Variants in ASIC2 observed in about 807,000 individuals in gnomAD.
ASIC2 encodes acid-sensing ion channel 2.
A neutral mutation model predicts 57.3 loss-of-function variants in ASIC2; 25 were observed. The observed-to-expected ratio is 0.44, with a 90% CI of 0.32 to 0.61. The LOEUF (loss-of-function observed/expected upper bound fraction) is 0.61, where lower values mean the gene tolerates loss of function less well. ASIC2 is among the 20% of genes least tolerant of loss of function. The probability of loss-of-function intolerance (pLI) is 0.06; values close to 1 mark genes in which losing one functional copy is unlikely to be tolerated. For missense variants in ASIC2, 641 were observed against 738.1 expected (o/e 0.87, Z 1.52); for synonymous variants, 319 against 307.5 (o/e 1.04, Z -0.39).
At chr17:34,083,747 T>G (rs1909987221) in intron 1 of ASIC2, among the ~76,000 whole-genome samples, 1 of 152,258 alleles carries the variant, frequency 6.6e-6, no homozygotes, top group Admixed American at 6.5e-5. Context: ...CATTGTGGTT[T>G]TGATTTGCAT....
intron 1 of ASIC2, among the ~76,000 whole-genome samples, chr17:33,915,983 C>A (rs1303057424): frequency 2.0e-5 from 3 of 152,164 alleles, no homozygotes; most frequent in Admixed American, 2.0e-4. Flanking sequence ...AGGAGGGAGA[C>A]TCAAAAGAGG....
chr17:34,029,984 C>G (rs1225746839), intron 1 of ASIC2, among the ~76,000 whole-genome samples: 1 of 152,200 alleles, frequency 6.6e-6, no homozygotes, highest in Non-Finnish European at 1.5e-5. Flanking sequence ...TGCCCTGATT[C>G]CACTGAACCA....
intron 1 of ASIC2, among the ~76,000 whole-genome samples, chr17:34,154,298 C>T (rs1904633413): frequency 6.6e-6 from 1 of 152,214 alleles, no homozygotes; most frequent in African/African-American, 2.4e-5. Flanking sequence ...CTCCTCAAGC[C>T]ACCTAAGACA....
rs531115641 is a variant in ASIC2, at chr17:33,204,638, G to T, written c.708+86770C>A. ...ACTGACCAGTGCATTTCATCCTCCAGCCAAGTTGGGTCAGACATGAGCATG... is the reference window on the plus strand; with the variant it reads ...ACTGACCAGTGCATTTCATCCTCCATCCAAGTTGGGTCAGACATGAGCATG... On this transcript the variant is annotated intron_variant, in intron 1 of 9. Coordinates refer to ENST00000225823, the MANE Select transcript of ASIC2 (RefSeq NM_183377.2). 2.0e-5 allele frequency among the ~76,000 whole-genome samples: 3 copies of T among 152,320 alleles called. No homozygotes were observed. In the South Asian group the frequency reaches 6.2e-4, roughly 32 times the overall value.
At chr17:33,934,990 T>C (rs1432799800) in intron 1 of ASIC2, among the ~76,000 whole-genome samples, 2 of 152,202 alleles carry the variant, frequency 1.3e-5, no homozygotes, top group African/African-American at 2.4e-5. Flanking sequence ...TGGATCCCTA[T>C]TTCCAGCAGG....
intron 1 of ASIC2, among the ~76,000 whole-genome samples, chr17:33,966,123 T>C (rs1473496077): frequency 6.6e-6 from 1 of 152,252 alleles, no homozygotes; most frequent in East Asian, 1.9e-4. Context: ...TGAACAATTC[T>C]GTAGAACAAG....
intron 1 of ASIC2, among the ~76,000 whole-genome samples, chr17:34,030,829 G>A (rs547326514): frequency 1.3e-5 from 2 of 152,352 alleles, no homozygotes; most frequent in East Asian, 3.9e-4. Context: ...CAATTGCCCA[G>A]TTAGTTGTTT....
intron 1 of ASIC2, among the ~76,000 whole-genome samples, chr17:33,479,312 A>G (rs1447086773): frequency 1.3e-5 from 2 of 152,120 alleles, no homozygotes; most frequent in Admixed American, 1.3e-4. Flanking sequence ...AGGAGCTTTT[A>G]AAACCATGTG....
chr17:33,915,665 G>T (rs751490384), intron 1 of ASIC2, among the ~76,000 whole-genome samples: 1 of 152,192 alleles, frequency 6.6e-6, no homozygotes, highest in Non-Finnish European at 1.5e-5. Context: ...AGTGCTTTCT[G>T]CAGAGGCCGC....
chr17:34,003,801 G>A (rs756541845), intron 1 of ASIC2: 1 of 152,234 alleles, frequency 6.6e-6, no homozygotes, highest in Non-Finnish European at 1.5e-5. Flanking sequence ...TGACCACAGC[G>A]AGCAAAAGTC....
chr17:33,251,507 T>A lies in ASIC2; in HGVS notation c.708+39901A>T, dbSNP rs1908880759. On this transcript the variant is annotated intron_variant, in intron 1 of 9. Coordinates refer to ENST00000225823, the MANE Select transcript of ASIC2 (RefSeq NM_183377.2). ...ACCATGCTCGTCTAATTTTTTATTT[T>A]TGTGGAAACAGGGTCTTGCTATGTG... Among the ~76,000 whole-genome samples the A allele has an allele frequency of 2.0e-5, 3 of 152,258 alleles. No individual in the cohort carries two copies. The South Asian group carries it at 6.2e-4, about 32-fold the overall frequency.
chr17:33,158,636 G>A (rs950736211), intron 1 of ASIC2, among the ~76,000 whole-genome samples: 16 of 152,188 alleles, frequency 1.1e-4, no homozygotes, highest in African/African-American at 3.9e-4. Context: ...CCTATAAAAC[G>A]CAGGCTGTGG....
chr17:33,670,789 C>A (rs1342525077), intron 1 of ASIC2, among the ~76,000 whole-genome samples: 3 of 152,342 alleles, frequency 2.0e-5, no homozygotes, highest in Non-Finnish European at 4.4e-5. Context: ...TATGGCAGGA[C>A]AACCCCCAGG....
intron 1 of ASIC2, among the ~76,000 whole-genome samples, chr17:33,520,138 C>A (rs562411073): frequency 1.3e-5 from 2 of 152,238 alleles, no homozygotes; most frequent in Admixed American, 6.5e-5. Flanking sequence ...TCCCCAGGGG[C>A]CTCTTTGGCT....
intron 1 of ASIC2, among the ~76,000 whole-genome samples, chr17:33,903,192 C>T (rs1317341084): frequency 2.6e-5 from 4 of 152,134 alleles, no homozygotes; most frequent in Admixed American, 2.0e-4. Context: ...AAATTAGCAC[C>T]TTTGACCTTC....
At chr17:33,453,948 G>A (rs915551472) in intron 1 of ASIC2, among the ~76,000 whole-genome samples, 3 of 152,094 alleles carry the variant, frequency 2.0e-5, no homozygotes, top group African/African-American at 7.2e-5. Context: ...TTATATTGCT[G>A]CATGAATCAA....
At chr17:33,632,565 A>G (rs1196756339) in intron 1 of ASIC2, among the ~76,000 whole-genome samples, 1 of 152,000 alleles carries the variant, frequency 6.6e-6, no homozygotes, top group African/African-American at 2.4e-5. Flanking sequence ...CCAGTAAACT[A>G]TGGAGTGTTT....
At chr17:33,422,258 C>T (rs988092880) in intron 1 of ASIC2, among the ~76,000 whole-genome samples, 5 of 152,188 alleles carry the variant, frequency 3.3e-5, no homozygotes, top group African/African-American at 1.2e-4. Flanking sequence ...TATCTTGGCT[C>T]CTGAGGATGA....
chr17:33,752,911 AT>A (rs1308748818), intron 1 of ASIC2, among the ~76,000 whole-genome samples: 2 of 152,250 alleles, frequency 1.3e-5, no homozygotes, highest in African/African-American at 4.8e-5. Context: ...GGAATCAAAC[AT>A]ATTCTTACCA....
Sources: allele counts gnomAD v4.1 joint callset (sites outside exome capture counted in the v4.1 genomes callset), GRCh38; gene constraint gnomAD v4.1.1; transcripts MANE v1.5; gene names NCBI Gene and HGNC (gene_info 2026-07-23, HGNC 2026-07-21).